The following BBS9 variants were observed in gnomAD, a reference collection of about 807,000 sequenced individuals.
BBS9 encodes protein PTHB1.
Under a neutral mutation model 117.7 loss-of-function variants are expected in BBS9, and 89 were observed. The ratio of observed to expected loss-of-function variants is 0.76; its 90% CI spans 0.64 to 0.90. The LOEUF (loss-of-function observed/expected upper bound fraction) is 0.90. Among genes scored for constraint, BBS9 ranks in the 40% least tolerant of loss-of-function variants. The probability of loss-of-function intolerance (pLI) is 0.00; values close to 1 mark genes in which losing one functional copy is unlikely to be tolerated. For synonymous variants in BBS9, 379 were observed against 370.9 expected, an observed-to-expected ratio of 1.02 and a Z score of -0.25; for missense variants, 982 against 1,042.2, an observed-to-expected ratio of 0.94 and a Z score of 0.80.
intron 12 of BBS9, chr7:33,346,221 C>G: frequency 2.1e-6 from 1 of 468,114 alleles, no homozygotes; most frequent in Non-Finnish European, 4.4e-6. Flanking sequence ...CCTTTTATAA[C>G]AACAGCAGCC....
intron 21 of BBS9, among the ~76,000 whole-genome samples, chr7:33,631,204 G>A (rs1029224085): frequency 6.6e-6 from 1 of 152,198 alleles, no homozygotes; most frequent in Non-Finnish European, 1.5e-5. Flanking sequence ...TCCACAGAGA[G>A]GAGAGAAGCA....
At chr7:33,505,340 G>C in intron 19 of BBS9, 123 bp from the exon 20 acceptor site, 1 of 926,288 alleles carries the variant, frequency 1.1e-6, no homozygotes, top group South Asian at 1.3e-5. Flanking sequence ...AACATAGCTT[G>C]TGTTTGTGGA....
chr7:33,499,868 A>G (rs1277066843), intron 19 of BBS9, among the ~76,000 whole-genome samples: 2 of 152,234 alleles, frequency 1.3e-5, no homozygotes, highest in Non-Finnish European at 2.9e-5. Flanking sequence ...GTTGACAATT[A>G]TTATCACAAA....
intron 19 of BBS9, among the ~76,000 whole-genome samples, chr7:33,500,306 A>T (rs1490918862): frequency 6.6e-6 from 1 of 152,236 alleles, no homozygotes; most frequent in Non-Finnish European, 1.5e-5. Flanking sequence ...GGATTATTTT[A>T]TGGGGCTGAA....
At chr7:33,298,128 T>C (rs1805638736) in intron 9 of BBS9, among the ~76,000 whole-genome samples, 1 of 152,104 alleles carries the variant, frequency 6.6e-6, no homozygotes, top group African/African-American at 2.4e-5. Context: ...CAGGAATATT[T>C]TCATTTTTTT....
intron 20 of BBS9, among the ~76,000 whole-genome samples, chr7:33,532,947 C>A (rs984968487): frequency 1.3e-5 from 2 of 152,144 alleles, no homozygotes; most frequent in Non-Finnish European, 2.9e-5. Context: ...GCCTTACCAG[C>A]CTTTGTGTAC....
intron 4 of BBS9, among the ~76,000 whole-genome samples, chr7:33,174,949 C>T (rs1797116573): frequency 6.6e-6 from 1 of 152,218 alleles, no homozygotes; most frequent in African/African-American, 2.4e-5. Flanking sequence ...CCTTCATCCT[C>T]CATCAAGGTC....
Position 33,330,776 on chromosome 7 carries a change from T to G in BBS9, c.1017-5665T>G, listed in dbSNP as rs150441174. ...AGGAATGTAATATCTTTGACCCTGA[T>G]TCTTCATAAAGTACATTATTCTAGT... On this transcript the variant is annotated intron_variant, in intron 9 of 22. Transcript: ENST00000242067. 4.7e-4 allele frequency among the ~76,000 whole-genome samples: 71 copies of G among 152,306 alleles called. 5 individuals are homozygous for G. The East Asian group carries it at 0.014, about 29-fold the overall frequency.
intron 21 of BBS9, among the ~76,000 whole-genome samples, chr7:33,555,795 A>G (rs112087738): frequency 0.032 from 4,834 of 152,256 alleles, 93 homozygotes; most frequent in African/African-American, 0.058. Flanking sequence ...GAGCTTTCTC[A>G]TGTTTGCTTT....
At chr7:33,608,633 G>A (rs545264093), downstream of BBS9, among the ~76,000 whole-genome samples, 1 of 152,134 alleles carries the variant, frequency 6.6e-6, no homozygotes, top group African/African-American at 2.4e-5. Flanking sequence ...GGTGATTATT[G>A]ATGTTGAACA....
chr7:33,133,486 A>G (rs1172725643), intron 1 of BBS9, among the ~76,000 whole-genome samples: 4 of 152,170 alleles, frequency 2.6e-5, no homozygotes, highest in Non-Finnish European at 5.9e-5. Context: ...CCTATCCTGG[A>G]TATTTTATAT....
chr7:33,295,235 A>G (rs892581425), intron 9 of BBS9, among the ~76,000 whole-genome samples: 10 of 152,140 alleles, frequency 6.6e-5, no homozygotes, highest in African/African-American at 1.9e-4. Context: ...ACCATAGTGG[A>G]TAATTTCCTG....
chr7:33,257,991 G>A (rs979417596), intron 6 of BBS9, among the ~76,000 whole-genome samples: 7 of 152,134 alleles, frequency 4.6e-5, no homozygotes, highest in Admixed American at 3.3e-4. Flanking sequence ...ATACTTATTC[G>A]CTAGAAATTC....
intron 19 of BBS9, among the ~76,000 whole-genome samples, chr7:33,398,703 CAAGTT>C (rs1828416285): frequency 6.6e-6 from 1 of 152,118 alleles, no homozygotes. Flanking sequence ...TAAAGTGAAA[CAAGTT>C]AAAGTAATTT....
intron 15 of BBS9, 83 bp downstream of exon 15, chr7:33,352,956 C>A (rs2128671766): frequency 7.1e-7 from 1 of 1,406,098 alleles, no homozygotes; most frequent in Non-Finnish European, 1.0e-6. Flanking sequence ...CATGAATGAA[C>A]TCTTTTTATG....
At chr7:33,335,930 C>CT (rs921348937) in intron 9 of BBS9, among the ~76,000 whole-genome samples, 6 of 151,088 alleles carry the variant, frequency 4.0e-5, no homozygotes, top group East Asian at 1.9e-4. Flanking sequence ...ACCGGGGGCA[C>CT]TTTTTTTTTC....
At chr7:33,577,221 C>T (rs531826479) in intron 21 of BBS9, among the ~76,000 whole-genome samples, 1 of 152,130 alleles carries the variant, frequency 6.6e-6, no homozygotes, top group South Asian at 2.1e-4. Flanking sequence ...AAAAAACAAC[C>T]CCATCCAAAA....
chr7:33,229,876 A>G (rs1454898700), intron 5 of BBS9, among the ~76,000 whole-genome samples: 1 of 151,732 alleles, frequency 6.6e-6, no homozygotes, highest in Non-Finnish European at 1.5e-5. Context: ...ATTTCCACCA[A>G]CGGTATACAA....
chr7:33,533,770 C>G (rs1850943520), intron 20 of BBS9, 184 bp from the exon 21 acceptor site: 1 of 654,486 alleles, frequency 1.5e-6, no homozygotes, highest in African/African-American at 1.8e-5. Context: ...GTAACTTGCT[C>G]AAGGTCAAAC....
Sources: gnomAD v4.1 joint callset for allele counts (sites outside exome capture counted in the v4.1 genomes callset) on GRCh38, gnomAD v4.1.1 for gene constraint, MANE v1.5 for transcripts, NCBI Gene and HGNC (gene_info 2026-07-23, HGNC 2026-07-21) for gene names.